The following INSYN2A variants were observed in gnomAD, a reference collection of about 807,000 sequenced individuals.
The protein encoded by INSYN2A is inhibitory synaptic factor 2A.
A neutral mutation model predicts 39.4 loss-of-function variants in INSYN2A; 17 were observed. That is an observed-to-expected ratio of 0.43 (90% CI 0.30 to 0.65). The LOEUF (loss-of-function observed/expected upper bound fraction) is 0.65. Ranked by LOEUF, INSYN2A falls within the 30% of genes least tolerant of loss-of-function variation. INSYN2A has a pLI of 0.14. For missense variants in INSYN2A, 595 were observed against 631.2 expected, an observed-to-expected ratio of 0.94 and a Z score of 0.61; for synonymous variants, 255 against 265.7, an observed-to-expected ratio of 0.96 and a Z score of 0.39.
intron 4 of INSYN2A, among the ~76,000 whole-genome samples, chr10:127,171,887 T>C (rs1317639969): frequency 6.6e-6 from 1 of 152,060 alleles, no homozygotes; most frequent in African/African-American, 2.4e-5. Flanking sequence ...TATTTTTTAG[T>C]AGAGACGGGA....
In INSYN2A at chr10:127,176,746, GCGTGACTC is replaced by G; in HGVS notation, c.-6+123_-6+130del. The G allele has an allele frequency of 5.0e-6, 1 of 199,220 alleles. No homozygotes were observed. Among genetic ancestry groups the G allele is most frequent in the Non-Finnish European group, 1.0e-5 (1 of 98,546 alleles). 12.3% of individuals were successfully genotyped at this position (199,220 alleles called of 1,614,324 possible). A position where few individuals can be genotyped will look rare whatever the true frequency, so the allele number is the denominator to read the frequency against. ...TGCTTTGCAAATTATCTTTTCACACGCGTGACTCCCCTTCTTAGGCAGATGGTTTACCA... is the reference window on the plus strand; with the variant it reads ...TGCTTTGCAAATTATCTTTTCACACGCCCTTCTTAGGCAGATGGTTTACCA... On this transcript the variant is annotated intron_variant, in intron 3 of 5. Coordinates refer to ENST00000522781, the MANE Select transcript of INSYN2A (RefSeq NM_001039762.3). The surrounding 1 kb of genome is among the most constrained non-coding windows in gnomAD (Gnocchi z 4.4).
chr10:127,152,370 T>G (rs2052584031), intron 5 of INSYN2A, among the ~76,000 whole-genome samples: 1 of 152,248 alleles, frequency 6.6e-6, no homozygotes, highest in African/African-American at 2.4e-5. Flanking sequence ...GAGGAATTGT[T>G]GAAGAAAAGA....
intron 5 of INSYN2A, among the ~76,000 whole-genome samples, chr10:127,148,761 C>A (rs1238390285): frequency 6.6e-6 from 1 of 152,160 alleles, no homozygotes; most frequent in African/African-American, 2.4e-5. Flanking sequence ...ATAATTACGG[C>A]ATATTTTGAC....
At chr10:127,156,554 TTCTTCTTC>T (rs1357578738) in intron 4 of INSYN2A, among the ~76,000 whole-genome samples, 93 of 97,256 alleles carry the variant, frequency 9.6e-4, no homozygotes, top group Non-Finnish European at 1.0e-3. Flanking sequence ...CTTCTTCTTC[TTCTTCTTC>T]TTTTTTTTTT....
chr10:127,181,042 C>A (rs1054339350), intron 2 of INSYN2A, among the ~76,000 whole-genome samples: 2 of 152,028 alleles, frequency 1.3e-5, no homozygotes, highest in Non-Finnish European at 2.9e-5. Flanking sequence ...AAGGCATAAC[C>A]ACTAGTATCA....
At position 127,175,916 on chromosome 10, in the gene INSYN2A, C is replaced by T. The variant is rs778773796; in HGVS notation, c.480G>A (p.Arg160=). 1.2e-6 allele frequency: 2 copies of T among 1,614,216 alleles called. No individual in the cohort carries two copies. The highest frequency in any genetic ancestry group is 1.1e-5 in the South Asian group (1 of 91,082). The change falls in exon 4 of 6, where the codon CGG becomes CGA. Residue 160 remains arginine, a synonymous_variant. Coordinates refer to ENST00000522781, the MANE Select transcript of INSYN2A (RefSeq NM_001039762.3). This position sits in a 1 kb window ranked among gnomAD's most constrained non-coding sequence, Gnocchi z 6.3. The part of the protein sequence containing the change: ...KNEAGPMEEA[R]PCGAGRVHKT... ...TGTGCACCCGCCCCGCGCCACATGG[C>T]CGGGCCTCCTCCATGGGTCCAGCCT...
intron 5 of INSYN2A, among the ~76,000 whole-genome samples, chr10:127,142,556 G>A (rs2051368357): frequency 1.3e-5 from 2 of 152,146 alleles, no homozygotes; most frequent in Admixed American, 6.5e-5. Context: ...TTACCTGTGC[G>A]GGGTGTTCTG....
chr10:127,187,795 C>CAA (rs1306958755), intron 2 of INSYN2A, among the ~76,000 whole-genome samples: 1 of 152,028 alleles, frequency 6.6e-6, no homozygotes, highest in African/African-American at 2.4e-5. Context: ...AGCAAGCAAG[C>CAA]AAGCAAAAGC....
chr10:127,173,993 T>C (rs1056231609), intron 4 of INSYN2A, among the ~76,000 whole-genome samples: 3 of 152,194 alleles, frequency 2.0e-5, no homozygotes, highest in Non-Finnish European at 4.4e-5. Context: ...CCCCAGCCTC[T>C]CCACTGCTGG....
chr10:127,181,218 A>G (rs774129433), intron 2 of INSYN2A, among the ~76,000 whole-genome samples: 5 of 152,224 alleles, frequency 3.3e-5, no homozygotes, highest in African/African-American at 7.2e-5. Context: ...GTATTTGGCT[A>G]TGTATAGTTA....
chr10:127,177,500 C>T (rs2055276132), intron 2 of INSYN2A, among the ~76,000 whole-genome samples: 1 of 152,188 alleles, frequency 6.6e-6, no homozygotes, highest in Non-Finnish European at 1.5e-5. Context: ...CGCCTTTTCC[C>T]CCCTTGTGTT....
At chr10:127,181,948 A>G (rs1306301228) in intron 2 of INSYN2A, among the ~76,000 whole-genome samples, 1 of 152,142 alleles carries the variant, frequency 6.6e-6, no homozygotes, top group African/African-American at 2.4e-5. Flanking sequence ...TTCTTTATAT[A>G]GTGAAATGTT....
intron 1 of INSYN2A, among the ~76,000 whole-genome samples, chr10:127,194,229 G>A (rs1321369777): frequency 1.3e-5 from 2 of 152,214 alleles, no homozygotes; most frequent in Non-Finnish European, 2.9e-5. Context: ...TGATAGCTGT[G>A]CTAGACTTTT....
intron 4 of INSYN2A, among the ~76,000 whole-genome samples, chr10:127,158,523 C>T (rs1379539110): frequency 2.6e-5 from 4 of 152,208 alleles, no homozygotes; most frequent in Admixed American, 1.3e-4. Context: ...CTTGTAACTC[C>T]ATGCGTGATA....
chr10:127,159,798 A>T (rs1012127830), intron 4 of INSYN2A, among the ~76,000 whole-genome samples: 1 of 152,120 alleles, frequency 6.6e-6, no homozygotes, highest in Non-Finnish European at 1.5e-5. Context: ...CACTGCAGGA[A>T]TGATAAAGGA....
chr10:127,146,544 G>A (rs2051871085), intron 5 of INSYN2A, among the ~76,000 whole-genome samples: 3 of 152,138 alleles, frequency 2.0e-5, no homozygotes, highest in Non-Finnish European at 4.4e-5. Context: ...TTAAACAAAA[G>A]TATTTCCTTA....
intron 5 of INSYN2A, among the ~76,000 whole-genome samples, chr10:127,138,714 C>T (rs2050930206): frequency 6.6e-6 from 1 of 152,210 alleles, no homozygotes; most frequent in South Asian, 2.1e-4. Context: ...TCACTCAAGC[C>T]ATGGCGTGCA....
At chr10:127,165,877 A>G (rs2133755825) in intron 4 of INSYN2A, among the ~76,000 whole-genome samples, 1 of 152,216 alleles carries the variant, frequency 6.6e-6, no homozygotes, top group Non-Finnish European at 1.5e-5. Context: ...TATTTATGGG[A>G]CCCTCTCAAT....
At chr10:127,166,159 G>A (rs188398689) in intron 4 of INSYN2A, among the ~76,000 whole-genome samples, 3 of 152,214 alleles carry the variant, frequency 2.0e-5, no homozygotes, top group Non-Finnish European at 4.4e-5. Context: ...TCTGCCTCCC[G>A]GGCTCACTCC....
Sources: gnomAD v4.1 joint callset for allele counts (sites outside exome capture counted in the v4.1 genomes callset) on GRCh38, gnomAD v4.1.1 for gene constraint, Gnocchi (gnomAD v3.1) non-coding constraint, MANE v1.5 for transcripts, NCBI Gene and HGNC (gene_info 2026-07-23, HGNC 2026-07-21) for gene names.